The following BIK variants were observed in gnomAD, a reference collection of about 807,000 sequenced individuals.
BIK encodes the protein bcl-2-interacting killer.
In BIK, 14 loss-of-function variants were observed where a neutral mutation model predicts 12.1. The observed-to-expected ratio is 1.16, with a 90% CI of 0.77 to 1.81. The LOEUF is 1.81. BIK is among the 40% of genes most tolerant of loss of function. BIK has a pLI of 0.00. For synonymous variants in BIK, 86 were observed against 92.3 expected (o/e 0.93, Z 0.39); for missense variants, 215 against 207.9 (o/e 1.03, Z -0.21).
At chr22:43,111,403 C>T (rs1930008742) in intron 1 of BIK, among the ~76,000 whole-genome samples, 1 of 152,212 alleles carries the variant, frequency 6.6e-6, no homozygotes. Flanking sequence ...CCCTCGCTTG[C>T]CCACGCGCCC....
intron 1 of BIK, among the ~76,000 whole-genome samples, chr22:43,121,506 G>T (rs747035224): frequency 6.6e-6 from 1 of 152,180 alleles, no homozygotes. Flanking sequence ...TGTGGGCACA[G>T]TGGGTCAAGG....
At chr22:43,125,662 G>A (rs1930299919) in intron 2 of BIK, among the ~76,000 whole-genome samples, 1 of 152,070 alleles carries the variant, frequency 6.6e-6, no homozygotes, top group South Asian at 2.1e-4. Flanking sequence ...GGAGGTTGCA[G>A]TGAGCCCTGA....
chr22:43,123,079 G>A (rs986338808), intron 1 of BIK, among the ~76,000 whole-genome samples: 11 of 152,214 alleles, frequency 7.2e-5, no homozygotes, highest in African/African-American at 2.4e-4. Context: ...AATGGATATC[G>A]GAGAGGTAAA....
intron 1 of BIK, among the ~76,000 whole-genome samples, chr22:43,121,592 G>A (rs895314253): frequency 2.6e-5 from 4 of 152,146 alleles, no homozygotes; most frequent in Non-Finnish European, 5.9e-5. Flanking sequence ...GCGGGGCGTG[G>A]AGGTACTGGG....
At chr22:43,117,376 CT>C (rs563637219) in intron 1 of BIK, among the ~76,000 whole-genome samples, 65 of 123,300 alleles carry the variant, frequency 5.3e-4, no homozygotes, top group Non-Finnish European at 5.3e-4. Context: ...TTTTCTTTTT[CT>C]TTTTTTTTTT....
intron 1 of BIK, among the ~76,000 whole-genome samples, chr22:43,114,412 C>T (rs1425111738): frequency 2.6e-5 from 4 of 152,138 alleles, no homozygotes; most frequent in African/African-American, 9.7e-5. Flanking sequence ...AGGTGATTCT[C>T]CTGCCTCAGC....
In BIK at chr22:43,129,264, C is replaced by CT; in HGVS notation, c.443dup (p.Pro149AlafsTer27). ...GCTGCTGCTGCTGCTGGCGCTGCTG[C>CT]TGCCGCTGCTCAGCGGGGGCCTGCA... On this transcript the variant is annotated frameshift_variant, in exon 5 of 5. Transcript: ENST00000216115. LOFTEE classifies it high-confidence loss of function. 1 of 1,599,142 alleles carries CT rather than the reference C, an allele frequency of 6.3e-7. No homozygotes were observed. The highest frequency in any genetic ancestry group is 2.2e-5 in the East Asian group (1 of 44,832).
At chr22:43,110,916 C>G (rs1342320203) in intron 1 of BIK, 113 bp downstream of exon 1, 1 of 152,062 alleles carries the variant, frequency 6.6e-6, no homozygotes, top group Non-Finnish European at 1.5e-5. Context: ...GGAGCCGTGC[C>G]CAGGTTTTAC....
intron 2 of BIK, among the ~76,000 whole-genome samples, chr22:43,126,209 G>A (rs1236617068): frequency 1.4e-5 from 2 of 138,524 alleles, no homozygotes; most frequent in East Asian, 2.0e-4. Context: ...TTTTTGAGAC[G>A]GAGTCTCGCT....
intron 1 of BIK, among the ~76,000 whole-genome samples, chr22:43,116,700 G>A (rs1036451096): frequency 3.3e-5 from 5 of 151,880 alleles, no homozygotes; most frequent in Admixed American, 6.6e-5. Context: ...CTCGTGATCC[G>A]CCCGCCTCGG....
intron 1 of BIK, among the ~76,000 whole-genome samples, chr22:43,116,464 ATT>A (rs34758003): frequency 1.1e-4 from 16 of 143,562 alleles, no homozygotes; most frequent in African/African-American, 1.5e-4. Flanking sequence ...TATTAAATGC[ATT>A]TTTTTTTTTT....
intron 1 of BIK, among the ~76,000 whole-genome samples, chr22:43,113,612 G>A (rs1930053100): frequency 6.7e-6 from 1 of 148,444 alleles, no homozygotes; most frequent in Admixed American, 6.7e-5. Flanking sequence ...ACTCATAACC[G>A]TGTACTTTTT....
chr22:43,128,526 T>G lies in BIK; in HGVS notation c.291T>G (p.Thr97=). 6.2e-7 allele frequency: 1 copy of G among 1,613,948 alleles called. No individual in the cohort carries two copies. Among genetic ancestry groups the G allele is most frequent in the Non-Finnish European group, 8.5e-7 (1 of 1,179,796 alleles). Residue 97 remains threonine, a synonymous_variant, in exon 4 of 5, where the codon ACT becomes ACG. Transcript: ENST00000216115. The part of the protein sequence containing the change: ...SLGLAFIYDQ[T]EDIRDVLRSF... ...GTCTGGCTTTCATCTACGACCAGAC[T>G]GAGGACATCAGGGATGTTCTTAGAA...
intron 1 of BIK, among the ~76,000 whole-genome samples, chr22:43,119,066 G>A (rs1253225255): frequency 6.6e-6 from 1 of 151,640 alleles, no homozygotes; most frequent in African/African-American, 2.4e-5. Context: ...CCTCCCACTC[G>A]GAGCCCTGCA....
At chr22:43,125,418 GA>G (rs1930294420) in intron 2 of BIK, among the ~76,000 whole-genome samples, 1 of 151,874 alleles carries the variant, frequency 6.6e-6, no homozygotes, top group Admixed American at 6.6e-5. Flanking sequence ...TAGAAAACCA[GA>G]ACCGGGCCGG....
chr22:43,118,937 A>T (rs1930169229), intron 1 of BIK, among the ~76,000 whole-genome samples: 1 of 152,028 alleles, frequency 6.6e-6, no homozygotes. Context: ...CTTCTGGGCA[A>T]CCTGGGAGGG....
At chr22:43,112,429 C>T (rs1930029167) in intron 1 of BIK, among the ~76,000 whole-genome samples, 1 of 151,880 alleles carries the variant, frequency 6.6e-6, no homozygotes, top group Non-Finnish European at 1.5e-5. Flanking sequence ...GAACTCCTGA[C>T]CTCAGGCGAT....
chr22:43,118,482 A>C (rs905939613), intron 1 of BIK, among the ~76,000 whole-genome samples: 2 of 152,188 alleles, frequency 1.3e-5, no homozygotes, highest in Non-Finnish European at 1.5e-5. Flanking sequence ...GGGGCCGAGC[A>C]GGGGGTGGAA....
chr22:43,119,449 G>T (rs1477097189), intron 1 of BIK, among the ~76,000 whole-genome samples: 1 of 152,156 alleles, frequency 6.6e-6, no homozygotes, highest in Admixed American at 6.6e-5. Flanking sequence ...ACCAGAAACT[G>T]ATAAGAGCAG....
Sources: gnomAD v4.1 joint callset for allele counts (sites outside exome capture counted in the v4.1 genomes callset) on GRCh38, gnomAD v4.1.1 for gene constraint, MANE v1.5 for transcripts, NCBI Gene and HGNC (gene_info 2026-07-23, HGNC 2026-07-21) for gene names.